Variants in SYN3 observed in about 807,000 individuals in gnomAD.
SYN3 encodes the protein synapsin-3.
SYN3 carries 35 observed loss-of-function variants against 65.8 expected under a neutral mutation model. That is an observed-to-expected ratio of 0.53 (90% CI 0.41 to 0.70). The LOEUF is 0.70. Ranked by LOEUF, SYN3 falls within the 30% of genes least tolerant of loss-of-function variation. The pLI is 0.00. For missense variants in SYN3, 680 were observed against 749.0 expected, an observed-to-expected ratio of 0.91 and a Z score of 1.08; for synonymous variants, 270 against 292.9, an observed-to-expected ratio of 0.92 and a Z score of 0.80.
At chr22:32,749,519 T>C (rs991421410) in intron 6 of SYN3, among the ~76,000 whole-genome samples, 11 of 152,014 alleles carry the variant, frequency 7.2e-5, no homozygotes, top group African/African-American at 2.7e-4. Flanking sequence ...TGGGTGCCTG[T>C]AATACAAACT....
chr22:32,822,412 G>T (rs2047276158), intron 6 of SYN3, among the ~76,000 whole-genome samples: 2 of 152,160 alleles, frequency 1.3e-5, no homozygotes, highest in African/African-American at 2.4e-5. Context: ...CTATCCTCAT[G>T]GAGTCTGGTC....
At chr22:32,551,205 T>C (rs1446002606) in intron 7 of SYN3, among the ~76,000 whole-genome samples, 1 of 152,094 alleles carries the variant, frequency 6.6e-6, no homozygotes, top group East Asian at 1.9e-4. Flanking sequence ...CCAAGGCCAC[T>C]GGGGAAAGGC....
chr22:32,617,963 A>G (rs993319212), intron 6 of SYN3, among the ~76,000 whole-genome samples: 2 of 152,100 alleles, frequency 1.3e-5, no homozygotes, highest in African/African-American at 4.8e-5. Context: ...ACTTATCACA[A>G]TAAGTAATTC....
At chr22:32,781,662 TGCTA>T (rs2046068199) in intron 6 of SYN3, among the ~76,000 whole-genome samples, 2 of 151,112 alleles carry the variant, frequency 1.3e-5, no homozygotes, top group African/African-American at 4.9e-5. Flanking sequence ...CTTAGGTGTT[TGCTA>T]ATATTATTAT....
intron 3 of SYN3, among the ~76,000 whole-genome samples, chr22:32,948,304 C>G: frequency 6.6e-6 from 1 of 152,174 alleles, no homozygotes; most frequent in Non-Finnish European, 1.5e-5. Context: ...GGCATAGACA[C>G]TGTAGCGGGC....
At chr22:33,004,652 T>C (rs2053152500) in intron 2 of SYN3, among the ~76,000 whole-genome samples, 1 of 152,252 alleles carries the variant, frequency 6.6e-6, no homozygotes, top group African/African-American at 2.4e-5. Flanking sequence ...CCAATGCCAA[T>C]ACCTCCATTG....
chr22:32,525,441 C>G (rs907304451), intron 12 of SYN3, among the ~76,000 whole-genome samples: 1 of 152,206 alleles, frequency 6.6e-6, no homozygotes, highest in Non-Finnish European at 1.5e-5. Flanking sequence ...GGCGCAGTGG[C>G]TCATGCCTGT....
chr22:32,955,445 G>A (rs1272965891), intron 3 of SYN3, among the ~76,000 whole-genome samples: 1 of 152,140 alleles, frequency 6.6e-6, no homozygotes, highest in African/African-American at 2.4e-5. Flanking sequence ...GAGCCATGCG[G>A]ACACCTGGGG....
intron 2 of SYN3, among the ~76,000 whole-genome samples, chr22:32,988,115 T>C (rs241717): frequency 0.64 from 96,704 of 151,442 alleles, 31,378 homozygotes; most frequent in East Asian, 0.78. Flanking sequence ...AAGACCATCC[T>C]GGCCAACATG....
rs2057685712 is a variant in SYN3 at position 32,511,009 on chromosome 22, G to A, written c.*2683C>T. 3.7e-5 allele frequency among the ~76,000 whole-genome samples: 4 copies of A among 109,156 alleles called. No homozygotes were observed. Among genetic ancestry groups the A allele is most frequent in the Non-Finnish European group, 7.2e-5 (3 of 41,718 alleles). 71.6% of individuals were successfully genotyped at this position (109,156 alleles called of 152,430 possible). On this transcript the variant is annotated 3_prime_UTR_variant, in exon 14 of 14. Coordinates refer to ENST00000358763, the MANE Select transcript of SYN3 (RefSeq NM_003490.4). ...CGTGTGTGTGTGTGTGTGTGTGTGT[G>A]TGTGTGTAAGGGGACTCCTAGAATC...
intron 4 of SYN3, among the ~76,000 whole-genome samples, chr22:32,899,527 T>C (rs536752559): frequency 1.3e-5 from 2 of 152,306 alleles, no homozygotes; most frequent in South Asian, 2.1e-4. Flanking sequence ...GGTTGGTCCA[T>C]GATGGAGGTT....
intron 3 of SYN3, among the ~76,000 whole-genome samples, chr22:32,975,614 T>C (rs1375287777): frequency 1.3e-5 from 2 of 152,188 alleles, no homozygotes; most frequent in African/African-American, 4.8e-5. Context: ...TCCCTCTCAC[T>C]GAGGCTGCAG....
At chr22:32,694,319 T>C (rs1172120806) in intron 6 of SYN3, among the ~76,000 whole-genome samples, 10 of 152,230 alleles carry the variant, frequency 6.6e-5, no homozygotes, top group Non-Finnish European at 1.5e-4. Flanking sequence ...AAGCCATTTC[T>C]TTTTATTCTC....
intron 6 of SYN3, among the ~76,000 whole-genome samples, chr22:32,696,706 G>C (rs1490798038): frequency 6.6e-6 from 1 of 152,136 alleles, no homozygotes; most frequent in African/African-American, 2.4e-5. Context: ...TGTCCTGAGT[G>C]GGTGAAAACG....
chr22:33,044,234 G>T (rs10483168), intron 1 of SYN3, among the ~76,000 whole-genome samples: 19,209 of 152,112 alleles, frequency 0.13, 1,541 homozygotes, highest in Non-Finnish European at 0.18. Flanking sequence ...GGTACAGTGC[G>T]TTCTTCCACC....
chr22:32,887,009 A>ACATGATATGCTACAT (rs2049312233), intron 4 of SYN3, among the ~76,000 whole-genome samples: 2 of 151,572 alleles, frequency 1.3e-5, no homozygotes, highest in Non-Finnish European at 2.9e-5. Flanking sequence ...ATGCTACGTC[A>ACATGATATGCTACAT]GATAAGTCTC....
At chr22:32,868,413 T>C (rs1050054370) in intron 5 of SYN3, among the ~76,000 whole-genome samples, 2 of 151,670 alleles carry the variant, frequency 1.3e-5, no homozygotes, top group African/African-American at 2.4e-5. Flanking sequence ...ATATAACATG[T>C]ATATATTAAC....
intron 7 of SYN3, among the ~76,000 whole-genome samples, chr22:32,545,906 TTTTTA>T (rs1196432094): frequency 6.6e-6 from 1 of 152,032 alleles, no homozygotes; most frequent in African/African-American, 2.4e-5. Context: ...CAAATGTTCC[TTTTTA>T]TTTTATTTTC....
At position 33,002,053 on chromosome 22, in the gene SYN3, G is replaced by A. The variant is rs910689265; in HGVS notation, c.311+4299C>T. The stretch of plus-strand genomic sequence containing the variant: ...TTTGACTACCAGGCAGATGGGCATT[G>A]TTCAGGGCAGAGGGCCTAAAAGAAA... On this transcript the variant is annotated intron_variant, in intron 2 of 13. Coordinates refer to ENST00000358763, the MANE Select transcript of SYN3 (RefSeq NM_003490.4). Among the ~76,000 whole-genome samples the A allele has an allele frequency of 3.9e-5, 6 of 152,348 alleles. 1 individual carries two copies. Among genetic ancestry groups the A allele is most frequent in the East Asian group, 1.9e-4 (1 of 5,176 alleles).
Sources: allele counts gnomAD v4.1 joint callset (sites outside exome capture counted in the v4.1 genomes callset), GRCh38; gene constraint gnomAD v4.1.1; transcripts MANE v1.5; gene names NCBI Gene and HGNC (gene_info 2026-07-23, HGNC 2026-07-21).